LAMC3: variants seen among roughly 807,000 people sequenced by gnomAD.
LAMC3 encodes the protein laminin subunit gamma 3, also known as laminin subunit gamma-3.
In LAMC3, 128 loss-of-function variants were observed where a neutral mutation model predicts 173.8. That is an observed-to-expected ratio of 0.74 (90% CI 0.64 to 0.85). LAMC3 has a LOEUF of 0.85. Ranked by LOEUF, LAMC3 falls within the 40% of genes least tolerant of loss-of-function variation. The pLI, the probability that LAMC3 is intolerant of heterozygous loss-of-function variation, is 0.00. For synonymous variants in LAMC3, 897 were observed against 909.1 expected (o/e 0.99, Z 0.24); for missense variants, 2,022 against 2,156.0 (o/e 0.94, Z 1.23).
intron 8 of LAMC3, among the ~76,000 whole-genome samples, chr9:131,046,838 G>T (rs73658914): frequency 0.02 from 3,070 of 152,012 alleles, 120 homozygotes; most frequent in African/African-American, 0.071. Context: ...AGGAAGGAGC[G>T]AGGCATCAGC....
At chr9:131,065,114 G>C (rs564402198) in intron 13 of LAMC3, among the ~76,000 whole-genome samples, 1 of 151,970 alleles carries the variant, frequency 6.6e-6, no homozygotes, top group East Asian at 1.9e-4. Context: ...ACCTCCAGGG[G>C]ACCATGGCTA....
rs1461354012 is a variant in LAMC3 at position 131,087,595 on chromosome 9, C to T, written c.4350C>T (p.Arg1450=). The T allele has an allele frequency of 6.2e-7, 1 of 1,614,010 alleles. No individual in the cohort carries two copies. The highest frequency in any genetic ancestry group is 1.3e-5 in the African/African-American group (1 of 75,074). The change falls in exon 26 of 28, where the codon CGC becomes CGT. Residue 1450 remains arginine, a synonymous_variant. Transcript: ENST00000361069. ...ASQQVLASEA[R]RQELEEAERV... ...AGCAGGTGCTGGCGTCTGAAGCACG[C>T]AGACAGGAGCTGGAGGAAGCTGAGC...
chr9:131,043,659 G>A (rs1469009420), intron 7 of LAMC3, among the ~76,000 whole-genome samples: 1 of 152,186 alleles, frequency 6.6e-6, no homozygotes, highest in African/African-American at 2.4e-5. Context: ...AAATAGATGG[G>A]CATGAAGAGA....
intron 1 of LAMC3, among the ~76,000 whole-genome samples, chr9:131,017,966 C>T (rs1363070439): frequency 6.6e-6 from 1 of 151,808 alleles, no homozygotes; most frequent in Non-Finnish European, 1.5e-5. Context: ...GCAGAGGCTG[C>T]AGTGAACCGA....
chr9:131,066,246 T>C (rs1482081649), intron 13 of LAMC3, among the ~76,000 whole-genome samples: 1 of 151,650 alleles, frequency 6.6e-6, no homozygotes, highest in African/African-American at 2.4e-5. Context: ...ATTCCAGCAC[T>C]TTGGGAGGCC....
chr9:131,066,939 A>G (rs1276847891), intron 13 of LAMC3, 21 bp from the exon 14 acceptor site: 1 of 1,612,840 alleles, frequency 6.2e-7, no homozygotes, highest in Non-Finnish European at 8.5e-7. Flanking sequence ...TGTTCCCCAC[A>G]CGTGCTCCCT....
intron 20 of LAMC3, among the ~76,000 whole-genome samples, chr9:131,074,092 G>A (rs538954398): frequency 1.2e-4 from 18 of 151,698 alleles, no homozygotes; most frequent in South Asian, 4.2e-4. Context: ...GACTACAGGC[G>A]CCTGCCAACA....
Position 131,038,862 on chromosome 9 carries a change from A to T in LAMC3, c.977-2A>T. The T allele has an allele frequency of 1.2e-6, 2 of 1,612,880 alleles. No homozygotes were observed. Among genetic ancestry groups the T allele is most frequent in the Non-Finnish European group, 1.7e-6 (2 of 1,179,976 alleles). On this transcript the variant is annotated splice_acceptor_variant, in intron 4 of 27. Coordinates refer to ENST00000361069, the MANE Select transcript of LAMC3 (RefSeq NM_006059.4). LOFTEE classifies it high-confidence loss of function. The stretch of plus-strand genomic sequence containing the variant: ...CACACCTTTCCCCACTCCTGCCCAT[A>T]GCCTGCAACTGCAGTGGCCGCTCCG...
At chr9:131,064,166 C>T (rs1829881262) in intron 13 of LAMC3, among the ~76,000 whole-genome samples, 1 of 152,130 alleles carries the variant, frequency 6.6e-6, no homozygotes, top group Admixed American at 6.6e-5. Context: ...CCTCAGCCTC[C>T]CAAAGTGCTG....
Position 131,026,226 on chromosome 9 carries a change from A to G in LAMC3, c.374-59A>G. 2.5e-6 allele frequency: 4 copies of G among 1,608,050 alleles called. No individual in the cohort carries two copies. The highest frequency in any genetic ancestry group is 3.4e-6 in the Non-Finnish European group (4 of 1,177,608). The stretch of plus-strand genomic sequence containing the variant: ...CAATGCAGCCGTCTGTCCTTCCTAG[A>G]CCAGGATTCCATACCTCCTTCCCCT... On this transcript the variant is annotated intron_variant, in intron 1 of 27. Transcript: ENST00000361069. The surrounding 1 kb of genome is among the most constrained non-coding windows in gnomAD (Gnocchi z 4.8).
chr9:131,076,697 G>C (rs76575598), intron 21 of LAMC3, among the ~76,000 whole-genome samples: 2 of 152,118 alleles, frequency 1.3e-5, no homozygotes, highest in Non-Finnish European at 2.9e-5. Context: ...CTAGCTGATT[G>C]GTTATAGACC....
In LAMC3 at chr9:131,093,159, G is replaced by A. The variant is rs752929; in HGVS notation, c.*1372G>A. 0.21 allele frequency: 32,026 copies of A among 152,264 alleles called. 3,925 individuals carry two copies. The highest frequency in any genetic ancestry group is 0.27 in the Admixed American group (4,193 of 15,288). 9.4% of individuals were successfully genotyped at this position (152,264 alleles called of 1,614,324 possible). A position where few individuals can be genotyped will look rare whatever the true frequency, so the allele number is the denominator to read the frequency against. On this transcript the variant is annotated 3_prime_UTR_variant, in exon 28 of 28. Coordinates refer to ENST00000361069, the MANE Select transcript of LAMC3 (RefSeq NM_006059.4). ...TAGTAGGTGGCCAGCATGTGGACCG[G>A]ACGTTGGTAGGAAGGTGGCAAAAGC...
intron 13 of LAMC3, among the ~76,000 whole-genome samples, chr9:131,065,095 A>G (rs540907479): frequency 5.9e-5 from 9 of 151,866 alleles, no homozygotes; most frequent in Non-Finnish European, 1.2e-4. Flanking sequence ...GCAAGGCAGC[A>G]TTCTTGTCAC....
intron 3 of LAMC3, among the ~76,000 whole-genome samples, chr9:131,035,346 C>T (rs527923774): frequency 1.3e-5 from 2 of 152,114 alleles, no homozygotes; most frequent in East Asian, 3.9e-4. Context: ...GGGGAGGCCT[C>T]AGGAAACTTA....
At chr9:131,085,800 A>G in intron 25 of LAMC3, 77 bp downstream of exon 25, 1 of 1,388,596 alleles carries the variant, frequency 7.2e-7, no homozygotes, top group Non-Finnish European at 1.0e-6. Context: ...CCTTCCCGAC[A>G]TCCGTGCTGA....
At chr9:131,040,871 G>A (rs901827679) in intron 6 of LAMC3, among the ~76,000 whole-genome samples, 3 of 152,168 alleles carry the variant, frequency 2.0e-5, no homozygotes, top group Admixed American at 6.5e-5. Context: ...AACACGTATC[G>A]CGGTACAGGG....
chr9:131,065,059 A>AAAAAAG (rs57431746), intron 13 of LAMC3, among the ~76,000 whole-genome samples: 58 of 135,282 alleles, frequency 4.3e-4, no homozygotes, highest in East Asian at 8.3e-4. Context: ...AAAAAAAAAA[A>AAAAAAG]GAAAAGGAAA....
intron 12 of LAMC3, among the ~76,000 whole-genome samples, chr9:131,057,536 G>A (rs1428488673): frequency 6.6e-6 from 1 of 152,228 alleles, no homozygotes; most frequent in Non-Finnish European, 1.5e-5. Context: ...GCACCAGCAT[G>A]GCAGGTGACA....
chr9:131,021,956 C>T (rs958596970), intron 1 of LAMC3, among the ~76,000 whole-genome samples: 1 of 152,230 alleles, frequency 6.6e-6, no homozygotes, highest in African/African-American at 2.4e-5. Context: ...TCCCCGTGTT[C>T]AGCCATCCAG....
Sources: allele counts gnomAD v4.1 joint callset (sites outside exome capture counted in the v4.1 genomes callset), GRCh38; gene constraint gnomAD v4.1.1; non-coding constraint Gnocchi (gnomAD v3.1); transcripts MANE v1.5; gene names NCBI Gene and HGNC (gene_info 2026-07-23, HGNC 2026-07-21).